Variants in NHSL2 observed in about 807,000 individuals in gnomAD.
NHSL2 encodes NHS like 2.
In NHSL2, 27 loss-of-function variants were observed where a neutral mutation model predicts 53.4. The ratio of observed to expected loss-of-function variants is 0.51; its 90% confidence interval spans 0.37 to 0.70. NHSL2 has a LOEUF of 0.70. NHSL2 is among the 30% of genes least tolerant of loss of function. NHSL2 has a pLI of 0.00. For synonymous variants in NHSL2, 408 were observed against 404.1 expected (o/e 1.01, Z -0.12); for missense variants, 892 against 980.1 (o/e 0.91, Z 1.20).
chrX:72,113,380 C>T (rs1351915384), intron 1 of NHSL2, among the ~76,000 whole-genome samples: 1 of 111,227 alleles, frequency 9.0e-6, no homozygotes. Context: ...ATGCTGAACC[C>T]TGCTGTTGTG....
intron 1 of NHSL2, among the ~76,000 whole-genome samples, chrX:71,997,801 G>A (rs1236721580): frequency 1.8e-5 from 2 of 112,112 alleles, no homozygotes; most frequent in Non-Finnish European, 3.8e-5. Context: ...TCATTGCCAT[G>A]TCCCTAGGGC....
intron 1 of NHSL2, among the ~76,000 whole-genome samples, chrX:71,944,838 A>G (rs981949104): frequency 8.9e-6 from 1 of 112,435 alleles, no homozygotes; most frequent in Admixed American, 9.4e-5. Context: ...AAACAACCCA[A>G]ACAGCCAATA....
intron 1 of NHSL2, chrX:72,131,190 G>T (rs1262692150): frequency 1.7e-6 from 2 of 1,187,285 alleles, no homozygotes; most frequent in African/African-American, 3.6e-5. Flanking sequence ...GGGGGTCAGC[G>T]GGCCCGTCGG....
Position 72,049,009 on chromosome X carries a change from A to AGAAGAAGAAGAAGAAGAAGAG in NHSL2, c.281-83065_281-83064insAGAAGAAGAAGAAGAGGAAGA, listed in dbSNP as rs1556340802. Among the ~76,000 whole-genome samples, 90 of 86,160 alleles carry AGAAGAAGAAGAAGAAGAAGAG rather than the reference A, an allele frequency of 1.0e-3. 1 individual carries two copies. Among genetic ancestry groups the AGAAGAAGAAGAAGAAGAAGAG allele is most frequent in the African/African-American group, 4.0e-3 (84 of 20,821 alleles). 74.8% of individuals were successfully genotyped at this position (86,160 alleles called of 115,157 possible). A position where few individuals can be genotyped will look rare whatever the true frequency, so the allele number is the denominator to read the frequency against. On this transcript the variant is annotated intron_variant, in intron 1 of 7. Coordinates refer to ENST00000633930, the MANE Select transcript of NHSL2 (RefSeq NM_001013627.3). Reference sequence around the variant, plus strand: ...GAGGAGAAGAAGAAGAAGAAGAAGAAGAAGAGGAAGAGGAAGAGGAAGAGG... The same window carrying AGAAGAAGAAGAAGAAGAAGAG: ...GAGGAGAAGAAGAAGAAGAAGAAGAAGAAGAAGAAGAAGAAGAAGAGGAAGAGGAAGAGGAAGAGGAAGAGG...
At chrX:72,001,803 A>C (rs1244971782) in intron 1 of NHSL2, among the ~76,000 whole-genome samples, 1 of 111,904 alleles carries the variant, frequency 8.9e-6, no homozygotes, top group East Asian at 2.8e-4. Context: ...ATCCTACCTT[A>C]AGGTAGGCTC....
chrX:72,053,050 T>G (rs1158152634), intron 1 of NHSL2, among the ~76,000 whole-genome samples: 1 of 112,173 alleles, frequency 8.9e-6, no homozygotes, highest in African/African-American at 3.2e-5. Flanking sequence ...TGGCACCTTA[T>G]TTAAACAGCC....
chrX:72,097,921 C>T (rs1248469199), intron 1 of NHSL2, among the ~76,000 whole-genome samples: 1 of 112,413 alleles, frequency 8.9e-6, no homozygotes, highest in Admixed American at 9.4e-5. Context: ...CCTCCACCCA[C>T]CCTTGAACCA....
chrX:71,951,724 G>GT lies in NHSL2; in HGVS notation c.280+40361dup, dbSNP rs1274693432. Among the ~76,000 whole-genome samples, 5 of 112,164 alleles carry GT rather than the reference G, an allele frequency of 4.5e-5. No homozygotes were observed. In the East Asian group the frequency reaches 1.4e-3, roughly 31 times the overall value. On this transcript the variant is annotated intron_variant, in intron 1 of 7. Transcript: ENST00000633930. ...CTCTTGGACACTGGATATGGCCATT[G>GT]TTTTATAGGTTAGAATGACCTTTAC...
chrX:71,964,067 A>AT (rs2041889519), intron 1 of NHSL2, among the ~76,000 whole-genome samples: 1 of 88,577 alleles, frequency 1.1e-5, no homozygotes, highest in African/African-American at 4.3e-5. Flanking sequence ...GTGTATATAT[A>AT]TATTATTATT....
At chrX:72,061,838 C>T (rs1237044963) in intron 1 of NHSL2, among the ~76,000 whole-genome samples, 1 of 112,177 alleles carries the variant, frequency 8.9e-6, no homozygotes, top group Admixed American at 9.4e-5. Flanking sequence ...TTCTCAGGCT[C>T]AGTTCTTAGC....
At chrX:72,101,143 C>T (rs2041989449) in intron 1 of NHSL2, among the ~76,000 whole-genome samples, 1 of 109,658 alleles carries the variant, frequency 9.1e-6, no homozygotes, top group East Asian at 2.9e-4. Context: ...CACATTGTGG[C>T]TTACTCAACT....
At chrX:72,110,416 C>G (rs1300674311) in intron 1 of NHSL2, among the ~76,000 whole-genome samples, 2 of 111,064 alleles carry the variant, frequency 1.8e-5, no homozygotes, top group African/African-American at 6.6e-5. Flanking sequence ...CTGCACAGTA[C>G]CAGCCACCTA....
intron 1 of NHSL2, among the ~76,000 whole-genome samples, chrX:72,067,588 C>T (rs970628165): frequency 8.9e-6 from 1 of 112,428 alleles, no homozygotes; most frequent in African/African-American, 3.2e-5. Context: ...ATTCACTTAT[C>T]ACCTTGAAGA....
chrX:71,983,213 T>A (rs1032791008), intron 1 of NHSL2, among the ~76,000 whole-genome samples: 2 of 111,548 alleles, frequency 1.8e-5, no homozygotes, highest in African/African-American at 6.5e-5. Flanking sequence ...GATCTAAAAT[T>A]CACTATGATG....
At chrX:72,114,982 G>A (rs1386203079) in intron 1 of NHSL2, among the ~76,000 whole-genome samples, 1 of 112,164 alleles carries the variant, frequency 8.9e-6, no homozygotes, top group Non-Finnish European at 1.9e-5. Context: ...TTGAAGCAGC[G>A]ATAGGCCAAT....
intron 1 of NHSL2, among the ~76,000 whole-genome samples, chrX:71,988,667 G>A (rs1357399458): frequency 9.0e-6 from 1 of 111,437 alleles, no homozygotes; most frequent in African/African-American, 3.3e-5. Flanking sequence ...AACTGGTGCT[G>A]CAGACTATTT....
intron 1 of NHSL2, among the ~76,000 whole-genome samples, chrX:71,991,159 C>T (rs1194701977): frequency 1.8e-5 from 2 of 112,762 alleles, no homozygotes; most frequent in East Asian, 5.6e-4. Context: ...CTCTTGGGCC[C>T]AAAGGGCCTG....
chrX:71,952,880 T>G (rs1392113413), intron 1 of NHSL2, among the ~76,000 whole-genome samples: 1 of 111,898 alleles, frequency 8.9e-6, no homozygotes, highest in East Asian at 2.8e-4. Flanking sequence ...ATATCTTGCA[T>G]TCTCATCAGG....
chrX:72,065,870 G>A (rs1292547581), intron 1 of NHSL2, among the ~76,000 whole-genome samples: 1 of 111,890 alleles, frequency 8.9e-6, no homozygotes, highest in East Asian at 2.8e-4. Flanking sequence ...AGAAGAGAAT[G>A]AGTAGCCCAG....
Sources: allele counts gnomAD v4.1 joint callset (sites outside exome capture counted in the v4.1 genomes callset), GRCh38; gene constraint gnomAD v4.1.1; transcripts MANE v1.5; gene names NCBI Gene and HGNC (gene_info 2026-07-23, HGNC 2026-07-21).